Variants in NALF2 observed in about 807,000 individuals in gnomAD.
The protein encoded by NALF2 is bB57D9.1 (TED protein).
In NALF2, 1 loss-of-function variant was observed where a neutral mutation model predicts 24.8. The ratio of observed to expected loss-of-function variants is 0.04; its 90% CI spans 0.01 to 0.19. The LOEUF is 0.19. Among genes scored for constraint, NALF2 ranks in the 10% least tolerant of loss-of-function variants. NALF2 has a pLI of 1.00. For missense variants in NALF2, 458 were observed against 409.6 expected (o/e 1.12, Z -1.02); for synonymous variants, 254 against 189.8 (o/e 1.34, Z -2.78).
chrX:69,514,169 G>C (rs1930630982), intron 1 of NALF2, among the ~76,000 whole-genome samples: 1 of 93,874 alleles, frequency 1.1e-5, no homozygotes, highest in Middle Eastern at 5.3e-3. Context: ...CAGCCTGGGT[G>C]ACAGAGTAAG....
chrX:69,509,528 C>T (rs145077830), intron 1 of NALF2, among the ~76,000 whole-genome samples: 5 of 111,414 alleles, frequency 4.5e-5, no homozygotes, highest in African/African-American at 1.3e-4. Context: ...TTAGCTCTCT[C>T]ACCAGCCATA....
intron 1 of NALF2, among the ~76,000 whole-genome samples, chrX:69,509,238 G>A (rs1444629798): frequency 9.1e-6 from 1 of 110,489 alleles, no homozygotes; most frequent in Non-Finnish European, 1.9e-5. Context: ...AGCTTCCTGT[G>A]CATCCCCACA....
At chrX:69,527,492 A>G (rs1316136707) in intron 1 of NALF2, among the ~76,000 whole-genome samples, 1 of 112,107 alleles carries the variant, frequency 8.9e-6, no homozygotes, top group African/African-American at 3.2e-5. Context: ...TTCTGAAACC[A>G]TGTTGCTCAG....
Position 69,505,477 on chromosome X carries a change from G to A in NALF2, c.195G>A (p.Ala65=), listed in dbSNP as rs1296654384. Residue 65 remains alanine, a synonymous_variant, in exon 1 of 3, where the codon GCG becomes GCA. Coordinates refer to ENST00000252338, the MANE Select transcript of NALF2 (RefSeq NM_015686.3). ...VLLADHLWLC[A]GARPRARELS... ...TCGCTGACCATCTGTGGCTGTGCGC[G>A]GGGGCCCGGCCCCGGGCCAGGGAGC... 3 of 1,101,667 alleles carry A rather than the reference G, an allele frequency of 2.7e-6. No homozygotes were observed. The highest frequency in any genetic ancestry group is 3.2e-5 in the Admixed American group (1 of 31,162). 90.8% of individuals were successfully genotyped at this position (1,101,667 alleles called of 1,213,427 possible). A position where few individuals can be genotyped will look rare whatever the true frequency, so the allele number is the denominator to read the frequency against.
intron 1 of NALF2, among the ~76,000 whole-genome samples, chrX:69,520,800 C>G: frequency 8.9e-6 from 1 of 111,905 alleles, no homozygotes; most frequent in Non-Finnish European, 1.9e-5. Flanking sequence ...CTTAAATAAT[C>G]CTGGTGATTC....
chrX:69,517,312 A>C (rs1271456887), intron 1 of NALF2, among the ~76,000 whole-genome samples: 1 of 111,799 alleles, frequency 8.9e-6, no homozygotes, highest in Admixed American at 9.5e-5. Flanking sequence ...TGCGAGATGG[A>C]AAGTGCTCAA....
intron 1 of NALF2, among the ~76,000 whole-genome samples, chrX:69,517,563 C>T (rs1337534156): frequency 1.8e-5 from 2 of 112,075 alleles, no homozygotes; most frequent in African/African-American, 6.5e-5. Flanking sequence ...TGTGTTTAAT[C>T]CAAATGACTG....
At chrX:69,522,689 C>T (rs1174849656) in intron 1 of NALF2, among the ~76,000 whole-genome samples, 2 of 112,349 alleles carry the variant, frequency 1.8e-5, no homozygotes, top group Non-Finnish European at 3.8e-5. Flanking sequence ...TCCATGATCT[C>T]CTTCCTCTGG....
chrX:69,510,618 C>T (rs73634195), intron 1 of NALF2, among the ~76,000 whole-genome samples: 10,783 of 111,276 alleles, frequency 0.097, 951 homozygotes, highest in African/African-American at 0.27. Flanking sequence ...TACCCTGGTC[C>T]CTGTTTGGGG....
At chrX:69,517,958 T>C (rs1930685886) in intron 1 of NALF2, among the ~76,000 whole-genome samples, 1 of 112,339 alleles carries the variant, frequency 8.9e-6, no homozygotes, top group Non-Finnish European at 1.9e-5. Context: ...GGCCCAGGTA[T>C]AGCTGTATGT....
In NALF2 at chrX:69,524,527, C is replaced by A. The variant is rs1318148379; in HGVS notation, c.862-4466C>A. 2.7e-5 allele frequency among the ~76,000 whole-genome samples: 3 copies of A among 111,605 alleles called. No individual in the cohort carries two copies. The Admixed American group carries it at 2.8e-4, about 11-fold the overall frequency. On this transcript the variant is annotated intron_variant, in intron 1 of 2. Coordinates refer to ENST00000252338, the MANE Select transcript of NALF2 (RefSeq NM_015686.3). ...TTGTTCTGAGACATTTCTTCCCTTT[C>A]CCTGCATCCCTTGCCTCCAGCAAGC... is the stretch of plus-strand genomic sequence containing the variant.
rs146024667 is a variant in NALF2 at position 69,528,928 on chromosome X, C to T, written c.862-65C>T. ...TTGAGAGACCACAAGTAAGTCCTCCCATCCCTCTCCTCTGAGGTGGGAAGG... is the reference window on the plus strand; with the variant it reads ...TTGAGAGACCACAAGTAAGTCCTCCTATCCCTCTCCTCTGAGGTGGGAAGG... On this transcript the variant is annotated intron_variant, in intron 1 of 2. Transcript: ENST00000252338. 3.5e-3 allele frequency: 3,797 copies of T among 1,099,159 alleles called. 91 individuals are homozygous for T. The African/African-American group carries it at 0.062, about 18-fold the overall frequency. 90.6% of individuals were successfully genotyped at this position (1,099,159 alleles called of 1,213,427 possible).
chrX:69,505,527 G>T lies in NALF2; in HGVS notation c.245G>T (p.Trp82Leu), dbSNP rs1184213363. The change falls in exon 1 of 3, where the codon TGG becomes TTG. Residue 82 changes from tryptophan (W) to leucine (L), a missense_variant. Physicochemically the swap from Trp to Leu is moderately conservative, Grantham distance 61 (BLOSUM62 -2). Transcript: ENST00000252338. ...CTGAGCAGCGCCATGCGGCCCCCAT[G>T]GGGGGCCGGCCGGGAGCGGCAGCCG... ...RELSSAMRPPWGAGRERQPVP... is the reference protein window; with the variant it reads ...RELSSAMRPPLGAGRERQPVP... 4 of 969,377 alleles carry T rather than the reference G, an allele frequency of 4.1e-6. No homozygotes were observed. The highest frequency in any genetic ancestry group is 5.1e-6 in the Non-Finnish European group (4 of 779,548). 79.9% of individuals were successfully genotyped at this position (969,377 alleles called of 1,213,427 possible).
intron 1 of NALF2, among the ~76,000 whole-genome samples, chrX:69,509,410 C>T (rs1486909018): frequency 9.1e-6 from 1 of 110,486 alleles, no homozygotes; most frequent in African/African-American, 3.3e-5. Flanking sequence ...ACTCTCTCTT[C>T]AGAACATTCA....
chrX:69,505,975 G>C lies in NALF2; in HGVS notation c.693G>C (p.Val231=). 1.7e-6 allele frequency: 2 copies of C among 1,211,805 alleles called. No homozygotes were observed. Among genetic ancestry groups the C allele is most frequent in the Non-Finnish European group, 2.2e-6 (2 of 895,420 alleles). ...LDTLMGDLLA[V]VASPGSGAWE... The stretch of plus-strand genomic sequence containing the variant: ...CCCTGATGGGGGACCTGCTGGCCGT[G>C]GTGGCCAGCCCGGGCTCCGGGGCCT... Residue 231 remains valine, a synonymous_variant, in exon 1 of 3, where the codon GTG becomes GTC. Coordinates refer to ENST00000252338, the MANE Select transcript of NALF2 (RefSeq NM_015686.3).
chrX:69,506,000 T>C lies in NALF2; in HGVS notation c.718T>C (p.Trp240Arg). The C allele has an allele frequency of 8.3e-7, 1 of 1,211,199 alleles. No individual in the cohort carries two copies. The highest frequency in any genetic ancestry group is 1.1e-6 in the Non-Finnish European group (1 of 895,257). ...AVVASPGSGA[W>R]EACSNCIEAY... is the part of the protein sequence containing the mutation. The stretch of plus-strand genomic sequence containing the variant: ...GGTGGCCAGCCCGGGCTCCGGGGCC[T>C]GGGAGGCGTGTAGCAACTGTATCGA... Residue 240 changes from tryptophan to arginine, a missense_variant, in exon 1 of 3, where the codon TGG becomes CGG. Transcript: ENST00000252338.
intron 1 of NALF2, among the ~76,000 whole-genome samples, chrX:69,517,923 G>C (rs1930685322): frequency 8.9e-6 from 1 of 112,810 alleles, no homozygotes; most frequent in Non-Finnish European, 1.9e-5. Context: ...CCCTGGAGAA[G>C]GCTGGAGATT....
chrX:69,523,212 T>G (rs1487596767), intron 1 of NALF2, among the ~76,000 whole-genome samples: 1 of 112,869 alleles, frequency 8.9e-6, no homozygotes, highest in Non-Finnish European at 1.9e-5. Context: ...GCTTACTTCC[T>G]GGTTGGCAAG....
intron 1 of NALF2, among the ~76,000 whole-genome samples, chrX:69,510,880 T>TCAAG (rs55971814): frequency 0.49 from 53,838 of 109,459 alleles, 9,724 homozygotes; most frequent in Admixed American, 0.66. Context: ...TTGGACCCAG[T>TCAAG]GACAATCACT....
Sources: allele counts gnomAD v4.1 joint callset (sites outside exome capture counted in the v4.1 genomes callset), GRCh38; gene constraint gnomAD v4.1.1; transcripts MANE v1.5; gene names NCBI Gene and HGNC (gene_info 2026-07-23, HGNC 2026-07-21).